Variants in PCDHA2 observed in about 807,000 individuals in gnomAD.
PCDHA2 encodes the protein protocadherin alpha 2.
A neutral mutation model predicts 66.0 loss-of-function variants in PCDHA2; 58 were observed. The ratio of observed to expected loss-of-function variants is 0.88; its 90% CI spans 0.71 to 1.09. The LOEUF (loss-of-function observed/expected upper bound fraction) is 1.09, where lower values mean the gene tolerates loss of function less well. Among genes scored for constraint, PCDHA2 ranks in the 50% least tolerant of loss-of-function variants. The pLI, the probability that PCDHA2 is intolerant of heterozygous loss-of-function variation, is 0.00. For synonymous variants in PCDHA2, 634 were observed against 554.0 expected (o/e 1.14, Z -2.03); for missense variants, 1,267 against 1,242.3 (o/e 1.02, Z -0.30).
chr5:140,801,757 A>G (rs1554121673), intron 1 of PCDHA2: 1 of 1,613,996 alleles, frequency 6.2e-7, no homozygotes, highest in Admixed American at 1.7e-5. Flanking sequence ...AGAAATGATG[A>G]GGAAATTAAA....
chr5:140,802,859 C>T (rs781937723), intron 1 of PCDHA2: 2 of 1,612,912 alleles, frequency 1.2e-6, no homozygotes, highest in Admixed American at 1.7e-5. Flanking sequence ...TGCAGGTGTT[C>T]GTGCTGGACG....
chr5:140,855,802 G>C (rs1329894390), intron 1 of PCDHA2: 4 of 477,838 alleles, frequency 8.4e-6, no homozygotes, highest in Non-Finnish European at 1.5e-5. Context: ...ACATATGAAT[G>C]AAAGAAAAGT....
At chr5:140,856,081 G>T in intron 1 of PCDHA2, 1 of 1,595,042 alleles carries the variant, frequency 6.3e-7, no homozygotes, top group Non-Finnish European at 8.6e-7. Context: ...TGGGGGTCCA[G>T]TGTCTGCTGC....
At chr5:140,946,925 C>T (rs1431365562) in intron 1 of PCDHA2, among the ~76,000 whole-genome samples, 1 of 151,242 alleles carries the variant, frequency 6.6e-6, no homozygotes, top group South Asian at 2.1e-4. Context: ...TTTTATTGAA[C>T]AGTAGAGTGT....
intron 1 of PCDHA2, chr5:140,804,792 T>G (rs1004818648): frequency 6.7e-5 from 19 of 281,534 alleles, no homozygotes; most frequent in Non-Finnish European, 1.1e-4. Context: ...TCCCTACCAC[T>G]GGAGAGAAAT....
rs2040583064 is a variant in PCDHA2, at chr5:140,848,750, T to A, written c.2388+51398T>A. ...TAAATCTGCAGAATGGCATTTTGTT[T>A]GTGAATTCTCGGATCGACCGCGAGG... is the stretch of plus-strand genomic sequence containing the variant. On this transcript the variant is annotated intron_variant, in intron 1 of 3. Coordinates refer to ENST00000526136, the MANE Select transcript of PCDHA2 (RefSeq NM_018905.3). 5 of 1,593,288 alleles carry A rather than the reference T, an allele frequency of 3.1e-6. 1 individual carries two copies. The highest frequency in any genetic ancestry group is 4.3e-6 in the Non-Finnish European group (5 of 1,163,954).
intron 1 of PCDHA2, among the ~76,000 whole-genome samples, chr5:140,957,750 TGTTCATTATATATGTTAAGTAAAAACTAA>T (rs1477515057): frequency 6.6e-6 from 1 of 152,128 alleles, no homozygotes; most frequent in African/African-American, 2.4e-5. Context: ...CATGAAAGGA[TGTTCATTATATATGTTAAGTAAAAACTAA>T]GTTCATCATA....
chr5:140,799,995 A>G (rs1272212542), intron 1 of PCDHA2, among the ~76,000 whole-genome samples: 1 of 152,104 alleles, frequency 6.6e-6, no homozygotes, highest in African/African-American at 2.4e-5. Flanking sequence ...ATACTGGCTT[A>G]TGTTCCTAGG....
chr5:140,816,876 A>T (rs1766015210), intron 1 of PCDHA2: 1 of 151,704 alleles, frequency 6.6e-6, no homozygotes, highest in Admixed American at 6.6e-5. Context: ...AGCAGTATTC[A>T]CTCAGCTCTT....
chr5:140,939,904 T>A (rs1554213033), intron 1 of PCDHA2, among the ~76,000 whole-genome samples: 3 of 152,228 alleles, frequency 2.0e-5, no homozygotes, highest in Non-Finnish European at 2.9e-5. Context: ...TTCTGCATTC[T>A]TTTTTATTCT....
At chr5:140,921,366 A>C (rs1415562044) in intron 1 of PCDHA2, among the ~76,000 whole-genome samples, 1 of 152,140 alleles carries the variant, frequency 6.6e-6, no homozygotes, top group African/African-American at 2.4e-5. Flanking sequence ...TTCAAGTTTC[A>C]TATTTCTACA....
intron 1 of PCDHA2, chr5:140,871,680 A>G: frequency 9.0e-7 from 1 of 1,108,842 alleles, no homozygotes; most frequent in Admixed American, 3.1e-5. Flanking sequence ...AATCATATGA[A>G]TAATCTGGCT....
intron 1 of PCDHA2, among the ~76,000 whole-genome samples, chr5:140,841,023 C>T (rs1331109795): frequency 6.6e-6 from 1 of 152,000 alleles, no homozygotes; most frequent in Admixed American, 6.6e-5. Flanking sequence ...ATGAATGCCT[C>T]TGCAATTGAT....
chr5:140,890,995 A>C (rs1554184607), intron 1 of PCDHA2, among the ~76,000 whole-genome samples: 2 of 152,138 alleles, frequency 1.3e-5, no homozygotes, highest in Non-Finnish European at 1.5e-5. Context: ...ATTTCATCAT[A>C]ATTATTGAAA....
chr5:140,882,651 A>T, intron 1 of PCDHA2: 1 of 1,614,206 alleles, frequency 6.2e-7, no homozygotes, highest in Non-Finnish European at 8.5e-7. Context: ...GACATTAACG[A>T]CAACCCGCCC....
intron 1 of PCDHA2, chr5:140,928,010 G>A: frequency 1.2e-6 from 2 of 1,614,168 alleles, no homozygotes; most frequent in Non-Finnish European, 1.7e-6. Context: ...GATTCTAATG[G>A]TAGGGTCATT....
chr5:140,813,549 T>C (rs1473558767), intron 1 of PCDHA2: 2 of 152,192 alleles, frequency 1.3e-5, no homozygotes, highest in Non-Finnish European at 2.9e-5. Flanking sequence ...AATAGGGTAC[T>C]TACCCTATGA....
chr5:140,966,986 C>G (rs1364396774), intron 1 of PCDHA2: 1 of 1,603,766 alleles, frequency 6.2e-7, no homozygotes, highest in African/African-American at 1.3e-5. Flanking sequence ...GCGCTTGGGG[C>G]CGGGTTGCTT....
chr5:140,966,539 T>TCGGAGGCGAG (rs2096018089), intron 1 of PCDHA2: 1 of 462,064 alleles, frequency 2.2e-6, no homozygotes, highest in Non-Finnish European at 3.7e-6. Flanking sequence ...GTTGAGCGAC[T>TCGGAGGCGAG]CGGAGGCGAG....
Sources: gnomAD v4.1 joint callset for allele counts (sites outside exome capture counted in the v4.1 genomes callset) on GRCh38, gnomAD v4.1.1 for gene constraint, MANE v1.5 for transcripts, NCBI Gene and HGNC (gene_info 2026-07-23, HGNC 2026-07-21) for gene names.